PDE4B: variants seen among roughly 807,000 people sequenced by gnomAD.
The protein encoded by PDE4B is phosphodiesterase 4B.
In PDE4B, 20 loss-of-function variants were observed where a neutral mutation model predicts 82.2. The observed-to-expected ratio is 0.24, with a 90% CI of 0.17 to 0.35. The LOEUF (loss-of-function observed/expected upper bound fraction) is 0.35. Among genes scored for constraint, PDE4B ranks in the 10% least tolerant of loss-of-function variants. PDE4B has a pLI of 1.00. For missense variants in PDE4B, 655 were observed against 907.2 expected, an observed-to-expected ratio of 0.72 and a Z score of 3.57; for synonymous variants, 320 against 318.9, an observed-to-expected ratio of 1.00 and a Z score of -0.04.
intron 1 of PDE4B, among the ~76,000 whole-genome samples, chr1:65,829,342 C>T (rs902053073): frequency 6.6e-6 from 1 of 152,044 alleles, no homozygotes; most frequent in Non-Finnish European, 1.5e-5. Context: ...GAGATAGAAA[C>T]AAATTTACAA....
chr1:65,920,955 A>ATTTT (rs1569685150), intron 3 of PDE4B, among the ~76,000 whole-genome samples: 2 of 100,414 alleles, frequency 2.0e-5, no homozygotes, highest in Non-Finnish European at 4.3e-5. Context: ...AACTAAAAGC[A>ATTTT]TTTCTTTTTT....
chr1:66,011,465 T>C (rs1045500379), intron 3 of PDE4B, among the ~76,000 whole-genome samples: 1 of 152,116 alleles, frequency 6.6e-6, no homozygotes, highest in Non-Finnish European at 1.5e-5. Flanking sequence ...TACCCTGTGC[T>C]ACAGCAAGGC....
chr1:66,272,781 T>TTG, intron 7 of PDE4B, among the ~76,000 whole-genome samples: 1 of 114,262 alleles, frequency 8.8e-6, no homozygotes, highest in Non-Finnish European at 1.7e-5. Context: ...CTAGAATTCT[T>TTG]TTTTTTTTTT....
intron 1 of PDE4B, among the ~76,000 whole-genome samples, chr1:65,881,772 C>T (rs1329679576): frequency 1.3e-5 from 2 of 152,136 alleles, no homozygotes; most frequent in Non-Finnish European, 2.9e-5. Flanking sequence ...CCTTAAGTTA[C>T]CAATTTATGC....
chr1:65,998,409 C>T (rs1477998730), intron 3 of PDE4B, among the ~76,000 whole-genome samples: 1 of 150,884 alleles, frequency 6.6e-6, no homozygotes, highest in East Asian at 2.0e-4. Flanking sequence ...TTAGCCCATC[C>T]ATTCTCGGTG....
At chr1:66,007,964 G>A (rs1236297094) in intron 3 of PDE4B, among the ~76,000 whole-genome samples, 1 of 152,088 alleles carries the variant, frequency 6.6e-6, no homozygotes, top group Non-Finnish European at 1.5e-5. Flanking sequence ...AAGGTCCATA[G>A]ATACAGAGGT....
At chr1:65,872,674 A>T (rs1476454382) in intron 1 of PDE4B, among the ~76,000 whole-genome samples, 2 of 152,222 alleles carry the variant, frequency 1.3e-5, no homozygotes, top group Admixed American at 6.5e-5. Context: ...CTCTGTCCTC[A>T]GTCAGCATGC....
chr1:66,326,522 G>A (rs1448990678), intron 7 of PDE4B, among the ~76,000 whole-genome samples: 1 of 152,120 alleles, frequency 6.6e-6, no homozygotes, highest in Non-Finnish European at 1.5e-5. Context: ...CCACATTTAT[G>A]TTTATGATAT....
At chr1:66,117,340 T>C (rs1645616219) in intron 3 of PDE4B, among the ~76,000 whole-genome samples, 1 of 152,200 alleles carries the variant, frequency 6.6e-6, no homozygotes, top group Non-Finnish European at 1.5e-5. Context: ...AGAAATTACT[T>C]CCCACCCTCT....
At chr1:66,291,076 C>T (rs1242905778) in intron 7 of PDE4B, among the ~76,000 whole-genome samples, 1 of 152,142 alleles carries the variant, frequency 6.6e-6, no homozygotes, top group East Asian at 1.9e-4. Context: ...GATGCAAAAT[C>T]TTTACTTGAC....
chr1:65,984,346 A>G (rs1650844718), intron 3 of PDE4B, among the ~76,000 whole-genome samples: 1 of 152,218 alleles, frequency 6.6e-6, no homozygotes, highest in Non-Finnish European at 1.5e-5. Flanking sequence ...GTGACTATAA[A>G]GGTGTAGCAG....
In PDE4B at chr1:66,363,188, A is replaced by G; in HGVS notation, c.1041A>G (p.Lys347=). 3 of 1,610,806 alleles carry G rather than the reference A, an allele frequency of 1.9e-6. No homozygotes were observed. Among genetic ancestry groups the G allele is most frequent in the Non-Finnish European group, 8.5e-7 (1 of 1,177,252 alleles). ...TATAGGAGCTGGAAGACCTGAACAA[A>G]TGGGGTCTTAACATCTTTAATGTGG... ...HLAKELEDLN[K]WGLNIFNVAG... is the part of the protein sequence containing the mutation. Residue 347 remains lysine (K), a synonymous_variant, in exon 11 of 17, where the codon AAA becomes AAG. Transcript: ENST00000341517.
At chr1:65,940,790 G>C (rs1288830121) in intron 3 of PDE4B, among the ~76,000 whole-genome samples, 1 of 152,060 alleles carries the variant, frequency 6.6e-6, no homozygotes, top group Non-Finnish European at 1.5e-5. Flanking sequence ...TAAAAGTGTT[G>C]ATGGCTATAG....
chr1:66,369,526 C>G (rs199580012), intron 16 of PDE4B, among the ~76,000 whole-genome samples: 2 of 152,206 alleles, frequency 1.3e-5, no homozygotes, highest in African/African-American at 4.8e-5. Flanking sequence ...GTGCTCAGGA[C>G]AGGGGACAAT....
At chr1:66,006,361 A>G (rs1483111118) in intron 3 of PDE4B, among the ~76,000 whole-genome samples, 4 of 152,220 alleles carry the variant, frequency 2.6e-5, no homozygotes, top group Admixed American at 2.6e-4. Flanking sequence ...ATGAGGCACC[A>G]TGCCATCAAG....
intron 3 of PDE4B, among the ~76,000 whole-genome samples, chr1:66,077,383 T>C (rs1656488996): frequency 6.6e-6 from 1 of 152,288 alleles, no homozygotes. Flanking sequence ...GACAATTCAG[T>C]GAGGTAGGTG....
At chr1:66,228,049 A>G (rs1053578337) in intron 3 of PDE4B, among the ~76,000 whole-genome samples, 13 of 152,140 alleles carry the variant, frequency 8.5e-5, no homozygotes, top group African/African-American at 3.1e-4. Flanking sequence ...CTCCAGCCAC[A>G]CTGGCCTACT....
At chr1:66,203,928 T>C (rs1052045573) in intron 3 of PDE4B, among the ~76,000 whole-genome samples, 2 of 152,182 alleles carry the variant, frequency 1.3e-5, no homozygotes, top group Non-Finnish European at 2.9e-5. Flanking sequence ...GTGCTCTGCT[T>C]TTTAGAGTTT....
intron 3 of PDE4B, chr1:66,048,966 G>A (rs181807120): frequency 7.2e-5 from 11 of 152,028 alleles, no homozygotes; most frequent in Admixed American, 3.9e-4. Flanking sequence ...TTAGCTCTCC[G>A]TCTTTAGTCA....
Sources: allele counts gnomAD v4.1 joint callset (sites outside exome capture counted in the v4.1 genomes callset), GRCh38; gene constraint gnomAD v4.1.1; transcripts MANE v1.5; gene names NCBI Gene and HGNC (gene_info 2026-07-23, HGNC 2026-07-21).